AKAP10: variants seen among roughly 807,000 people sequenced by gnomAD.
AKAP10 encodes A-kinase anchoring protein 10, also known as A-kinase anchor protein 10, mitochondrial.
Under a neutral mutation model 80.8 loss-of-function variants are expected in AKAP10, and 24 were observed. The ratio of observed to expected loss-of-function variants is 0.30; its 90% CI spans 0.22 to 0.42. The LOEUF (loss-of-function observed/expected upper bound fraction) is 0.42. Ranked by LOEUF, AKAP10 falls within the 10% of genes least tolerant of loss-of-function variation. The pLI is 1.00. For synonymous variants in AKAP10, 291 were observed against 277.7 expected (o/e 1.05, Z -0.48); for missense variants, 661 against 794.9 (o/e 0.83, Z 2.03).
chr17:19,919,499 C>T (rs1169038337), intron 12 of AKAP10, among the ~76,000 whole-genome samples: 5 of 151,966 alleles, frequency 3.3e-5, no homozygotes, highest in Admixed American at 1.3e-4. Context: ...GCCTAGCCAA[C>T]GTGGTGAAAC....
chr17:19,920,855 C>CAAAAAAAAAAAAAAAAAAA lies in AKAP10; in HGVS notation c.1752-756_1752-738dup, dbSNP rs61148312. Among the ~76,000 whole-genome samples, 10 of 35,332 alleles carry CAAAAAAAAAAAAAAAAAAA rather than the reference C, an allele frequency of 2.8e-4. 1 individual carries two copies. Among genetic ancestry groups the CAAAAAAAAAAAAAAAAAAA allele is most frequent in the African/African-American group, 7.0e-4 (6 of 8,610 alleles). 23.2% of individuals were successfully genotyped at this position (35,332 alleles called of 152,430 possible). A position where few individuals can be genotyped will look rare whatever the true frequency, so the allele number is the denominator to read the frequency against. ...TGGGCAACAGAGCAAGACTCTATCT[C>CAAAAAAAAAAAAAAAAAAA]AAAAAAAAAAAAAAAAAAAAAAAAA... On this transcript the variant is annotated intron_variant, in intron 11 of 14. Transcript: ENST00000225737.
chr17:19,977,716 C>G lies in AKAP10; in HGVS notation c.-37G>C, dbSNP rs1490827919. On this transcript the variant is annotated 5_prime_UTR_variant, in exon 1 of 15. Transcript: ENST00000225737. ...CCCGGACTTCCGGGTCCAGAGGGGC[C>G]GCTGCACTAGCGCGAAAAGGGACCC... The G allele has an allele frequency of 8.4e-6, 10 of 1,196,728 alleles. No homozygotes were observed. In the Admixed American group the frequency reaches 1.3e-4, roughly 15 times the overall value. 74.1% of individuals were successfully genotyped at this position (1,196,728 alleles called of 1,614,324 possible). A position where few individuals can be genotyped will look rare whatever the true frequency, so the allele number is the denominator to read the frequency against.
At chr17:19,915,738 T>C (rs1169388558) in intron 12 of AKAP10, among the ~76,000 whole-genome samples, 1 of 152,156 alleles carries the variant, frequency 6.6e-6, no homozygotes, top group East Asian at 1.9e-4. Flanking sequence ...GGACTGGTCT[T>C]CCACTACCAG....
At chr17:19,917,348 T>C (rs1406917038) in intron 12 of AKAP10, among the ~76,000 whole-genome samples, 1 of 152,140 alleles carries the variant, frequency 6.6e-6, no homozygotes, top group Non-Finnish European at 1.5e-5. Context: ...CCATTATCCT[T>C]ATGGACAGAA....
At chr17:19,962,187 T>C (rs140845154) in intron 3 of AKAP10, among the ~76,000 whole-genome samples, 3 of 152,264 alleles carry the variant, frequency 2.0e-5, no homozygotes, top group African/African-American at 7.2e-5. Context: ...ATTTGGTTAT[T>C]TCCCTATAAC....
chr17:19,950,509 C>CT (rs1266658646), intron 4 of AKAP10, among the ~76,000 whole-genome samples: 1 of 152,246 alleles, frequency 6.6e-6, no homozygotes, highest in Non-Finnish European at 1.5e-5. Flanking sequence ...CGGGGTTTCG[C>CT]TGTGTTGGCC....
chr17:19,968,276 TAAATC>T (rs1490193158), intron 2 of AKAP10, 133 bp downstream of exon 2: 13 of 486,912 alleles, frequency 2.7e-5, no homozygotes, highest in Non-Finnish European at 3.9e-5. Flanking sequence ...AAGAGGGAAA[TAAATC>T]AAAATCATAA....
At chr17:19,929,466 G>A (rs2042909350) in intron 10 of AKAP10, 1 of 152,152 alleles carries the variant, frequency 6.6e-6, no homozygotes, top group Non-Finnish European at 1.5e-5. Flanking sequence ...GTGACAAGAA[G>A]GACAGTGAAT....
At chr17:19,946,241 A>G (rs1313984604) in intron 5 of AKAP10, among the ~76,000 whole-genome samples, 1 of 10,758 alleles carries the variant, frequency 9.3e-5, no homozygotes, top group African/African-American at 6.2e-4. Flanking sequence ...TATATATTAT[A>G]TATATATATA....
chr17:19,917,929 A>G (rs1253065735), intron 12 of AKAP10, among the ~76,000 whole-genome samples: 19 of 151,822 alleles, frequency 1.3e-4, no homozygotes, highest in Admixed American at 1.2e-3. Flanking sequence ...AAAAAGAAAG[A>G]AAATAAGATG....
chr17:19,956,924 G>T (rs532227529), intron 4 of AKAP10, among the ~76,000 whole-genome samples: 19 of 151,900 alleles, frequency 1.3e-4, no homozygotes, highest in African/African-American at 4.6e-4. Context: ...AAGGAAGGAG[G>T]GAGGGAGGGA....
Position 19,907,410 on chromosome 17 carries a change from C to CTTT in AKAP10, c.1984-1181_1984-1179dup, listed in dbSNP as rs59027197. Among the ~76,000 whole-genome samples the CTTT allele has an allele frequency of 1.6e-4, 22 of 136,412 alleles. 3 individuals carry two copies. The highest frequency in any genetic ancestry group is 3.0e-4 in the African/African-American group (11 of 37,228). The allele number at this position is 136,412 out of a possible 152,430, so 89.5% of individuals were successfully genotyped here. On this transcript the variant is annotated intron_variant, in intron 14 of 14. Transcript: ENST00000225737. ...CTCATTATACTCTTGTTTTCTTTAA[C>CTTT]TTTTTTTTTTTTTTTTTTGAGACAG... is the stretch of plus-strand genomic sequence containing the variant.
chr17:19,970,190 T>C (rs781219040), intron 1 of AKAP10, among the ~76,000 whole-genome samples: 6 of 152,116 alleles, frequency 3.9e-5, no homozygotes, highest in Non-Finnish European at 8.8e-5. Context: ...GTCTTCATCT[T>C]CCCTCATGAA....
At chr17:19,974,178 C>T (rs867875041) in intron 1 of AKAP10, among the ~76,000 whole-genome samples, 4 of 151,816 alleles carry the variant, frequency 2.6e-5, no homozygotes, top group South Asian at 4.2e-4. Context: ...ACGATAAGAG[C>T]GAAACTCCAT....
chr17:19,957,872 C>G (rs2043298320), intron 4 of AKAP10, 142 bp downstream of exon 4: 7 of 871,608 alleles, frequency 8.0e-6, no homozygotes, highest in Non-Finnish European at 1.0e-5. Context: ...CTACTACACT[C>G]TCCAAATTCT....
intron 6 of AKAP10, among the ~76,000 whole-genome samples, 171 bp from the exon 7 acceptor site, chr17:19,941,181 AC>A (rs2043047724): frequency 6.6e-6 from 1 of 152,100 alleles, no homozygotes; most frequent in African/African-American, 2.4e-5. Context: ...AATCTCTCCC[AC>A]CTTTTTATGA....
chr17:19,930,731 A>T (rs1233484526), intron 10 of AKAP10, among the ~76,000 whole-genome samples: 2 of 152,102 alleles, frequency 1.3e-5, no homozygotes, highest in African/African-American at 4.8e-5. Context: ...ATTTTTTTTG[A>T]GATGGAGTCT....
intron 13 of AKAP10, 136 bp from the exon 14 acceptor site, chr17:19,909,412 A>G: frequency 5.2e-6 from 4 of 773,240 alleles, no homozygotes; most frequent in Non-Finnish European, 7.8e-6. Flanking sequence ...CCCATGTACG[A>G]AAAAACCTGG....
chr17:19,949,520 C>G (rs1015019349), intron 4 of AKAP10, among the ~76,000 whole-genome samples: 3 of 152,010 alleles, frequency 2.0e-5, no homozygotes, highest in Non-Finnish European at 4.4e-5. Context: ...GCCTGTAATC[C>G]CAGCACTTTG....
Sources: gnomAD v4.1 joint callset for allele counts (sites outside exome capture counted in the v4.1 genomes callset) on GRCh38, gnomAD v4.1.1 for gene constraint, MANE v1.5 for transcripts, NCBI Gene and HGNC (gene_info 2026-07-23, HGNC 2026-07-21) for gene names.